Variants in USP28 observed in about 807,000 individuals in gnomAD.
The protein encoded by USP28 is ubiquitin specific peptidase 28.
USP28 carries 113 observed loss-of-function variants against 145.0 expected under a neutral mutation model. That is an observed-to-expected ratio of 0.78 (90% CI 0.67 to 0.91). The LOEUF (loss-of-function observed/expected upper bound fraction) is 0.91. Ranked by LOEUF, USP28 falls within the 40% of genes least tolerant of loss-of-function variation. The pLI, the probability that USP28 is intolerant of heterozygous loss-of-function variation, is 0.00. For missense variants in USP28, 1,201 were observed against 1,289.6 expected, an observed-to-expected ratio of 0.93 and a Z score of 1.05; for synonymous variants, 447 against 450.9, an observed-to-expected ratio of 0.99 and a Z score of 0.11.
intron 7 of USP28, among the ~76,000 whole-genome samples, chr11:113,832,449 T>C (rs566506283): frequency 3.3e-5 from 5 of 152,144 alleles, no homozygotes; most frequent in South Asian, 2.1e-4. Flanking sequence ...CATGAAAACA[T>C]AGGAACACTG....
chr11:113,799,370 T>G (rs748739776), exon 25 of USP28: 1 of 1,614,202 alleles, frequency 6.2e-7, no homozygotes, highest in Non-Finnish European at 8.5e-7. Context: ...TGCAGAAGGA[T>G]CTAGAAGTCT....
Position 113,806,469 on chromosome 11 carries a change from A to G in USP28, c.2400+20T>C, listed in dbSNP as rs1477980489. On this transcript the variant is annotated intron_variant, in intron 19 of 24. Transcript: ENST00000003302. ...ATGATGCCTATATTGTAAGAATTAG[A>G]ATTTTAAAAACAGAGATACCTTAAT... The G allele has an allele frequency of 1.3e-6, 2 of 1,594,724 alleles. No homozygotes were observed. Among genetic ancestry groups the G allele is most frequent in the South Asian group, 2.2e-5 (2 of 90,468 alleles).
intron 1 of USP28, 99 bp from the exon 2 acceptor site, chr11:113,854,434 G>A (rs1006991999): frequency 6.3e-5 from 75 of 1,181,360 alleles, no homozygotes; most frequent in Non-Finnish European, 8.7e-5. Flanking sequence ...AAACAGGCCT[G>A]AGGCTTGCCC....
intron 16 of USP28, 104 bp downstream of exon 16, chr11:113,812,172 A>G: frequency 2.8e-6 from 2 of 710,222 alleles, no homozygotes; most frequent in East Asian, 2.8e-5. Context: ...CTATTATTAT[A>G]TAATAGTAAG....
In USP28 at chr11:113,799,346, A is replaced by T; in HGVS notation, c.3128T>A (p.Leu1043Ter). 1 of 1,614,242 alleles carries T rather than the reference A, an allele frequency of 6.2e-7. No homozygotes were observed. The highest frequency in any genetic ancestry group is 8.5e-7 in the Non-Finnish European group (1 of 1,180,054). ...GGGTCGAATAGTTGGAGGCTCTTTC[A>T]AGACGATGATTTCTGCAGAAGGATC... is the stretch of plus-strand genomic sequence containing the variant. The change falls in exon 25 of 25, where the codon TTG becomes TAG. Residue 1043 changes from leucine (L) to a stop codon, truncating the protein, a stop_gained. Coordinates refer to ENST00000003302, the Ensembl canonical transcript of USP28. LOFTEE classifies it high-confidence loss of function.
chr11:113,841,760 C>T (rs966113651), exon 4 of USP28: 1 of 1,610,098 alleles, frequency 6.2e-7, no homozygotes, highest in Non-Finnish European at 8.5e-7. Flanking sequence ...TGAGTAAGGT[C>T]TATAACTTCT....
intron 3 of USP28, among the ~76,000 whole-genome samples, chr11:113,851,258 G>A (rs1421907770): frequency 6.6e-6 from 1 of 152,182 alleles, no homozygotes; most frequent in Non-Finnish European, 1.5e-5. Flanking sequence ...ATGGAAATCA[G>A]TTTATATCAT....
chr11:113,802,734 G>T (rs561120807), intron 23 of USP28, among the ~76,000 whole-genome samples: 1 of 152,226 alleles, frequency 6.6e-6, no homozygotes, highest in East Asian at 1.9e-4. Flanking sequence ...AAAACTTTAA[G>T]TCTACCAGCT....
chr11:113,806,598 G>A lies in USP28; in HGVS notation c.2305-14C>T, dbSNP rs1353836813. ...GCTCAGCATCACCTACCACAAGGGG[G>A]CACAAAACACAGAGAGAAAGGAGAG... On this transcript the variant is annotated splice_polypyrimidine_tract_variant and intron_variant, in intron 18 of 24. Coordinates refer to ENST00000003302, the Ensembl canonical transcript of USP28. The A allele has an allele frequency of 8.5e-6, 13 of 1,522,608 alleles. No homozygotes were observed. Among genetic ancestry groups the A allele is most frequent in the Admixed American group, 2.1e-5 (1 of 46,702 alleles). 94.3% of individuals were successfully genotyped at this position (1,522,608 alleles called of 1,614,324 possible).
At chr11:113,862,902 G>A (rs1205474834) in intron 1 of USP28, among the ~76,000 whole-genome samples, 1 of 151,996 alleles carries the variant, frequency 6.6e-6, no homozygotes, top group South Asian at 2.1e-4. Context: ...ATGATACAGG[G>A]CCTTTATAAA....
chr11:113,843,185 T>C (rs531975596), intron 3 of USP28, among the ~76,000 whole-genome samples: 26 of 151,918 alleles, frequency 1.7e-4, no homozygotes, highest in Non-Finnish European at 3.5e-4. Context: ...TGAGCTGAGA[T>C]TGTGTCACTA....
intron 18 of USP28, 87 bp downstream of exon 19, chr11:113,807,864 G>T: frequency 3.4e-6 from 3 of 874,306 alleles, no homozygotes; most frequent in Non-Finnish European, 4.1e-6. Context: ...GAAAATATCA[G>T]CTATTGGCAG....
At chr11:113,852,028 A>AC (rs1487459579) in intron 3 of USP28, among the ~76,000 whole-genome samples, 1 of 152,076 alleles carries the variant, frequency 6.6e-6, no homozygotes, top group Non-Finnish European at 1.5e-5. Context: ...AACAAATGAA[A>AC]CTTTTTTTTT....
At chr11:113,831,594 A>G (rs1035178015) in intron 8 of USP28, among the ~76,000 whole-genome samples, 10 of 152,330 alleles carry the variant, frequency 6.6e-5, no homozygotes, top group African/African-American at 2.4e-4. Flanking sequence ...AAGTACCCAT[A>G]TTATACCATC....
intron 2 of USP28, among the ~76,000 whole-genome samples, chr11:113,853,588 C>G (rs1376600126): frequency 2.0e-5 from 3 of 151,994 alleles, no homozygotes; most frequent in Non-Finnish European, 4.4e-5. Flanking sequence ...AAAAATATAA[C>G]CCATGGCCCG....
At chr11:113,831,976 G>A (rs1249017070) in exon 8 of USP28, 15 of 1,613,860 alleles carry the variant, frequency 9.3e-6, no homozygotes, top group Non-Finnish European at 1.2e-5. Context: ...GCTTGTGTGT[G>A]AATTCACTCA....
At position 113,865,020 on chromosome 11, in the gene USP28, G is replaced by A. The variant is rs189250617; in HGVS notation, c.57+10425C>T. Among the ~76,000 whole-genome samples the A allele has an allele frequency of 3.5e-3, 526 of 152,098 alleles. 1 individual carries two copies. The highest frequency in any genetic ancestry group is 5.5e-3 in the Non-Finnish European group (376 of 67,988). ...CCCAACTAAGATTTTTCATATTTTC[G>A]GTAAAGGTGAGGTTTCACCACGTTG... On this transcript the variant is annotated intron_variant, in intron 1 of 24. Coordinates refer to ENST00000003302, the Ensembl canonical transcript of USP28.
At chr11:113,830,839 G>C in intron 9 of USP28, 28 bp downstream of exon 9, 1 of 1,604,116 alleles carries the variant, frequency 6.2e-7, no homozygotes, top group Admixed American at 1.7e-5. Flanking sequence ...CAAAGGTCTA[G>C]AATTAAAATT....
At chr11:113,798,426 G>C (rs201173922) in exon 25 of USP28, 1 of 150,952 alleles carries the variant, frequency 6.6e-6, no homozygotes, top group East Asian at 2.0e-4. Flanking sequence ...AAAAAAAAAA[G>C]AGCAAAAAAG....
Sources: allele counts gnomAD v4.1 joint callset (sites outside exome capture counted in the v4.1 genomes callset), GRCh38; gene constraint gnomAD v4.1.1; transcripts MANE v1.5; gene names NCBI Gene and HGNC (gene_info 2026-07-23, HGNC 2026-07-21).